The following KCND2 variants were observed in gnomAD, a reference collection of about 807,000 sequenced individuals.
KCND2 encodes A-type voltage-gated potassium channel KCND2.
In KCND2, 16 loss-of-function variants were observed where a neutral mutation model predicts 54.4. The ratio of observed to expected loss-of-function variants is 0.29; its 90% CI spans 0.20 to 0.45. The LOEUF is 0.45. Ranked by LOEUF, KCND2 falls within the 20% of genes least tolerant of loss-of-function variation. The pLI is 1.00. For missense variants in KCND2, 486 were observed against 824.2 expected (o/e 0.59, Z 5.02); for synonymous variants, 317 against 310.7 (o/e 1.02, Z -0.21).
intron 1 of KCND2, among the ~76,000 whole-genome samples, chr7:120,456,984 G>C (rs1473392692): frequency 1.3e-5 from 2 of 152,196 alleles, no homozygotes; most frequent in Non-Finnish European, 2.9e-5. Flanking sequence ...CTTGACCCAG[G>C]TGCACCTGCA....
At chr7:120,508,759 A>G (rs1002195581) in intron 1 of KCND2, among the ~76,000 whole-genome samples, 4 of 151,926 alleles carry the variant, frequency 2.6e-5, no homozygotes, top group African/African-American at 7.2e-5. Context: ...TAGAAAGCCT[A>G]TTTTGCCACA....
chr7:120,398,361 C>T (rs1236817666), intron 1 of KCND2, among the ~76,000 whole-genome samples: 1 of 151,934 alleles, frequency 6.6e-6, no homozygotes, highest in Non-Finnish European at 1.5e-5. Context: ...AAATTATTTA[C>T]TGAGCACCTA....
chr7:120,367,375 A>C (rs1800701439), intron 1 of KCND2, among the ~76,000 whole-genome samples: 1 of 152,080 alleles, frequency 6.6e-6, no homozygotes, highest in Admixed American at 6.6e-5. Flanking sequence ...AAAAAAAGAC[A>C]AAAAGGGTCT....
At chr7:120,566,327 C>T (rs146783077) in intron 1 of KCND2, among the ~76,000 whole-genome samples, 6 of 152,018 alleles carry the variant, frequency 3.9e-5, no homozygotes, top group South Asian at 2.1e-4. Context: ...TGTGTGTGTG[C>T]GCATGGATAT....
At chr7:120,531,875 G>A (rs975452948) in intron 1 of KCND2, among the ~76,000 whole-genome samples, 3 of 151,992 alleles carry the variant, frequency 2.0e-5, no homozygotes, top group African/African-American at 7.2e-5. Context: ...AAGAAATGCT[G>A]TGGTTCTACT....
At chr7:120,742,739 C>T in intron 4 of KCND2, 137 bp downstream of exon 4, 1 of 714,968 alleles carries the variant, frequency 1.4e-6, no homozygotes, top group South Asian at 1.5e-5. Flanking sequence ...CAAACCAAAA[C>T]CCCACAATAT....
intron 1 of KCND2, among the ~76,000 whole-genome samples, chr7:120,436,236 T>C (rs972926260): frequency 6.6e-6 from 1 of 152,214 alleles, no homozygotes; most frequent in Non-Finnish European, 1.5e-5. Context: ...AAGTGAAGTA[T>C]GACATGGAGT....
chr7:120,447,751 C>T (rs1802037690), intron 1 of KCND2, among the ~76,000 whole-genome samples: 1 of 152,112 alleles, frequency 6.6e-6, no homozygotes, highest in African/African-American at 2.4e-5. Context: ...AATTAGTATT[C>T]TCAAATGAAT....
At chr7:120,293,271 C>T (rs749224660) in intron 1 of KCND2, among the ~76,000 whole-genome samples, 3 of 151,934 alleles carry the variant, frequency 2.0e-5, no homozygotes, top group Non-Finnish European at 4.4e-5. Flanking sequence ...CAATATTCTT[C>T]TGGAAAAGCT....
chr7:120,407,967 A>G lies in KCND2; in HGVS notation c.1115+132220A>G, dbSNP rs183562380. Among the ~76,000 whole-genome samples the G allele has an allele frequency of 4.7e-4, 71 of 151,950 alleles. No individual in the cohort carries two copies. In the Middle Eastern group the frequency reaches 0.014, roughly 29 times the overall value. ...GAATGATTCTAGGAAGAAAATCATG[A>G]TCAGATTTATAATTTCAAAAAGTTA... On this transcript the variant is annotated intron_variant, in intron 1 of 5. Coordinates refer to ENST00000331113, the MANE Select transcript of KCND2 (RefSeq NM_012281.3).
intron 1 of KCND2, among the ~76,000 whole-genome samples, chr7:120,632,124 G>A (rs1259167578): frequency 1.3e-5 from 2 of 152,088 alleles, no homozygotes; most frequent in Non-Finnish European, 2.9e-5. Context: ...TGTGATTAGA[G>A]AAGAGCAATG....
intron 1 of KCND2, among the ~76,000 whole-genome samples, chr7:120,521,443 T>C (rs1791690644): frequency 6.6e-6 from 1 of 152,152 alleles, no homozygotes; most frequent in Non-Finnish European, 1.5e-5. Flanking sequence ...TTATGGGATA[T>C]TTTATTCTTC....
chr7:120,282,412 C>T (rs550684220), intron 1 of KCND2, among the ~76,000 whole-genome samples: 3 of 152,190 alleles, frequency 2.0e-5, no homozygotes, highest in Middle Eastern at 3.4e-3. Flanking sequence ...TAATCACCAT[C>T]AGGAAGAAGT....
chr7:120,488,412 C>T (rs1391916584), intron 1 of KCND2, among the ~76,000 whole-genome samples: 1 of 152,062 alleles, frequency 6.6e-6, no homozygotes, highest in Non-Finnish European at 1.5e-5. Flanking sequence ...TTTTCCATCC[C>T]TCTGCTTCAG....
intron 1 of KCND2, among the ~76,000 whole-genome samples, chr7:120,404,324 A>T (rs907596576): frequency 8.5e-5 from 13 of 152,146 alleles, no homozygotes; most frequent in Non-Finnish European, 2.9e-5. Context: ...TCATTAGTAC[A>T]TGTCATTTTT....
intron 1 of KCND2, among the ~76,000 whole-genome samples, chr7:120,506,410 G>T (rs1803020026): frequency 6.6e-6 from 1 of 151,766 alleles, no homozygotes; most frequent in Non-Finnish European, 1.5e-5. Flanking sequence ...TATGGCCATA[G>T]ATTGCATACA....
chr7:120,509,390 C>G (rs1196258232), intron 1 of KCND2, among the ~76,000 whole-genome samples: 2 of 151,978 alleles, frequency 1.3e-5, no homozygotes, highest in African/African-American at 4.8e-5. Flanking sequence ...TATATACGCT[C>G]TGGAATCTTT....
intron 1 of KCND2, among the ~76,000 whole-genome samples, chr7:120,351,244 G>GTGTATATATATA (rs376321316): frequency 1.2e-4 from 17 of 137,350 alleles, no homozygotes; most frequent in African/African-American, 2.7e-4. Context: ...TTATATGTGT[G>GTGTATATATATA]TATATATATA....
At chr7:120,336,367 G>T (rs547719364) in intron 1 of KCND2, among the ~76,000 whole-genome samples, 19 of 152,120 alleles carry the variant, frequency 1.2e-4, no homozygotes, top group Non-Finnish European at 2.1e-4. Flanking sequence ...TCTTTTTAGG[G>T]TCATATATGT....
Sources: allele counts gnomAD v4.1 joint callset (sites outside exome capture counted in the v4.1 genomes callset), GRCh38; gene constraint gnomAD v4.1.1; transcripts MANE v1.5; gene names NCBI Gene and HGNC (gene_info 2026-07-23, HGNC 2026-07-21).